Variants in CSMD1 observed in about 807,000 individuals in gnomAD.
CSMD1 encodes CUB and sushi domain-containing protein 1.
Under a neutral mutation model 417.5 loss-of-function variants are expected in CSMD1, and 213 were observed. The observed-to-expected ratio is 0.51, with a 90% CI of 0.46 to 0.57. The LOEUF (loss-of-function observed/expected upper bound fraction) is 0.57, where lower values mean the gene tolerates loss of function less well. Ranked by LOEUF, CSMD1 falls within the 20% of genes least tolerant of loss-of-function variation. The pLI is 0.00. For missense variants in CSMD1, 6,923 were observed against 4,529.7 expected (o/e 1.53, Z -15.17); for synonymous variants, 2,862 against 1,736.8 (o/e 1.65, Z -16.11).
chr8:4,022,824 G>A (rs1012868583), intron 4 of CSMD1, among the ~76,000 whole-genome samples: 5 of 151,988 alleles, frequency 3.3e-5, no homozygotes, highest in African/African-American at 1.2e-4. Context: ...ACAATTCAGT[G>A]GTCTTCAGAA....
chr8:3,696,648 G>A (rs947709064), intron 7 of CSMD1, among the ~76,000 whole-genome samples: 11 of 152,272 alleles, frequency 7.2e-5, no homozygotes, highest in African/African-American at 2.4e-4. Flanking sequence ...TAACCCTGAT[G>A]CACATTAAAG....
chr8:3,397,660 G>T (rs752490229), intron 16 of CSMD1, among the ~76,000 whole-genome samples: 1 of 152,172 alleles, frequency 6.6e-6, no homozygotes, highest in African/African-American at 2.4e-5. Context: ...CAAGAAGTCT[G>T]GCTAAGCGTG....
chr8:2,938,548 G>T lies in CSMD1; in HGVS notation c.*37C>A. On this transcript the variant is annotated 3_prime_UTR_variant, in exon 70 of 70. Transcript: ENST00000635120. Reference sequence around the variant, plus strand: ...AGGAATCACTGCTTGTCCATCAGAGGTATGGCTATGAATCAGTCCTGTTGG... The same window carrying T: ...AGGAATCACTGCTTGTCCATCAGAGTTATGGCTATGAATCAGTCCTGTTGG... 2 of 1,582,754 alleles carry T rather than the reference G, an allele frequency of 1.3e-6. No individual in the cohort carries two copies. Among genetic ancestry groups the T allele is most frequent in the Non-Finnish European group, 1.7e-6 (2 of 1,161,026 alleles).
chr8:4,595,364 T>G (rs6994432), intron 2 of CSMD1, among the ~76,000 whole-genome samples: 47,027 of 122,066 alleles, frequency 0.39, 11,350 homozygotes, highest in Non-Finnish European at 0.5. Flanking sequence ...GTTTATTCAT[T>G]TGTCTATTGA....
At chr8:4,854,820 A>G (rs544835467) in intron 1 of CSMD1, among the ~76,000 whole-genome samples, 158 of 152,238 alleles carry the variant, frequency 1.0e-3, no homozygotes, top group South Asian at 9.1e-3. Context: ...ACTGCAAGGC[A>G]GCAGCGAGGC....
intron 1 of CSMD1, among the ~76,000 whole-genome samples, chr8:4,867,226 C>G (rs891947108): frequency 1.3e-5 from 2 of 151,998 alleles, no homozygotes; most frequent in Non-Finnish European, 2.9e-5. Flanking sequence ...GCTAAGAAAG[C>G]TGGAGTGTTT....
chr8:3,653,201 T>G (rs1797946446), intron 7 of CSMD1, among the ~76,000 whole-genome samples: 1 of 151,900 alleles, frequency 6.6e-6, no homozygotes, highest in African/African-American at 2.4e-5. Flanking sequence ...TTTAAAATTG[T>G]AATTATTTCC....
intron 1 of CSMD1, among the ~76,000 whole-genome samples, chr8:4,834,484 T>C (rs1262111869): frequency 6.6e-6 from 1 of 152,016 alleles, no homozygotes; most frequent in African/African-American, 2.4e-5. Flanking sequence ...AGGCAGGCAG[T>C]GAAGTTCGAG....
chr8:4,384,401 G>A (rs1209997677), intron 3 of CSMD1, among the ~76,000 whole-genome samples: 2 of 152,120 alleles, frequency 1.3e-5, no homozygotes, highest in African/African-American at 4.8e-5. Context: ...AATACTTTTG[G>A]AAAATATACA....
At chr8:4,038,387 T>C (rs1258608124) in intron 3 of CSMD1, among the ~76,000 whole-genome samples, 3 of 152,218 alleles carry the variant, frequency 2.0e-5, no homozygotes, top group African/African-American at 7.2e-5. Flanking sequence ...AAAATATTGA[T>C]GGAATTGTTG....
chr8:4,173,531 G>T (rs909645509), intron 3 of CSMD1, among the ~76,000 whole-genome samples: 1 of 152,118 alleles, frequency 6.6e-6, no homozygotes. Flanking sequence ...CCATCCTCTT[G>T]TGGTTTACAA....
chr8:4,672,930 A>G (rs757212242), intron 1 of CSMD1, among the ~76,000 whole-genome samples: 1 of 152,196 alleles, frequency 6.6e-6, no homozygotes, highest in Non-Finnish European at 1.5e-5. Context: ...GGCGACATAC[A>G]CATGCATACA....
At chr8:3,414,474 C>A (rs529675399) in intron 12 of CSMD1, among the ~76,000 whole-genome samples, 1 of 152,158 alleles carries the variant, frequency 6.6e-6, no homozygotes, top group Non-Finnish European at 1.5e-5. Flanking sequence ...TCACCCCTCA[C>A]TGTCTATCAT....
intron 3 of CSMD1, among the ~76,000 whole-genome samples, chr8:4,144,583 C>A (rs996393269): frequency 6.6e-6 from 1 of 150,968 alleles, no homozygotes; most frequent in Admixed American, 6.6e-5. Context: ...TGCTCAGCTA[C>A]TGTTAAGTCA....
At chr8:3,208,406 A>G (rs527512309) in intron 30 of CSMD1, among the ~76,000 whole-genome samples, 60 of 152,118 alleles carry the variant, frequency 3.9e-4, no homozygotes, top group Non-Finnish European at 6.9e-4. Flanking sequence ...AGCAGGGACT[A>G]CAGGTGCACA....
At position 3,616,772 on chromosome 8, in the gene CSMD1, G is replaced by A. The variant is rs1395420595; in HGVS notation, c.1035C>T (p.Val345=). ...TCCCAGGATCTGGACACATGTCAGA[G>A]ACCAATGCAACACCTCCTTGGCTCA... ...SVLSQGGVAL[V]SDMCPDPGIP... is the part of the protein sequence containing the mutation. Residue 345 remains valine, a synonymous_variant, in exon 8 of 70, where the codon GTC becomes GTT. Coordinates refer to ENST00000635120, the MANE Select transcript of CSMD1 (RefSeq NM_033225.6). 2.2e-5 allele frequency: 36 copies of A among 1,612,030 alleles called. No individual in the cohort carries two copies. Among genetic ancestry groups the A allele is most frequent in the Non-Finnish European group, 2.8e-5 (33 of 1,179,004 alleles).
intron 1 of CSMD1, among the ~76,000 whole-genome samples, chr8:4,675,406 GCTGA>G (rs1805610256): frequency 6.6e-6 from 1 of 152,122 alleles, no homozygotes; most frequent in African/African-American, 2.4e-5. Context: ...TTCTGAGCTG[GCTGA>G]CTGTTTTTGT....
chr8:3,618,918 C>G (rs911149411), intron 7 of CSMD1, among the ~76,000 whole-genome samples: 1 of 152,126 alleles, frequency 6.6e-6, no homozygotes, highest in African/African-American at 2.4e-5. Flanking sequence ...GATGGTCGCT[C>G]TGTGGGCTGC....
intron 2 of CSMD1, among the ~76,000 whole-genome samples, chr8:4,451,736 A>C (rs1183466491): frequency 6.6e-6 from 1 of 152,048 alleles, no homozygotes; most frequent in African/African-American, 2.4e-5. Flanking sequence ...AAATTACAAC[A>C]ACAAGGCATC....
Sources: allele counts gnomAD v4.1 joint callset (sites outside exome capture counted in the v4.1 genomes callset), GRCh38; gene constraint gnomAD v4.1.1; transcripts MANE v1.5; gene names NCBI Gene and HGNC (gene_info 2026-07-23, HGNC 2026-07-21).